Variants in CAP2 observed in about 807,000 individuals in gnomAD.
The protein encoded by CAP2 is adenylyl cyclase-associated protein 2.
A neutral mutation model predicts 57.7 loss-of-function variants in CAP2; 24 were observed. That is an observed-to-expected ratio of 0.42 (90% CI 0.30 to 0.58). The LOEUF is 0.58. CAP2 is among the 20% of genes least tolerant of loss of function. The probability of loss-of-function intolerance (pLI) is 0.22; values close to 1 mark genes in which losing one functional copy is unlikely to be tolerated. For missense variants in CAP2, 501 were observed against 590.3 expected, an observed-to-expected ratio of 0.85 and a Z score of 1.57; for synonymous variants, 194 against 207.2, an observed-to-expected ratio of 0.94 and a Z score of 0.55.
intron 3 of CAP2, among the ~76,000 whole-genome samples, chr6:17,427,950 G>A (rs936868489): frequency 1.3e-5 from 2 of 152,224 alleles, no homozygotes; most frequent in African/African-American, 4.8e-5. Context: ...GGTCAAATTT[G>A]TGGAGACAAA....
At chr6:17,487,272 G>A (rs1761441903) in intron 4 of CAP2, among the ~76,000 whole-genome samples, 1 of 152,006 alleles carries the variant, frequency 6.6e-6, no homozygotes, top group South Asian at 2.1e-4. Flanking sequence ...ACTCCCAATT[G>A]GTATCTGCTC....
At chr6:17,472,971 C>T (rs959698743) in intron 4 of CAP2, among the ~76,000 whole-genome samples, 2 of 151,840 alleles carry the variant, frequency 1.3e-5, no homozygotes, top group East Asian at 1.9e-4. Flanking sequence ...ATTTAGAAAC[C>T]CAGGACTGTG....
At chr6:17,394,018 G>C (rs1758607707) in intron 1 of CAP2, among the ~76,000 whole-genome samples, 2 of 149,554 alleles carry the variant, frequency 1.3e-5, no homozygotes, top group South Asian at 4.2e-4. Context: ...CCCCAGCTCC[G>C]GCGTCCTGGC....
chr6:17,470,769 A>G (rs142808831), intron 4 of CAP2, among the ~76,000 whole-genome samples: 155 of 152,354 alleles, frequency 1.0e-3, no homozygotes, highest in African/African-American at 3.5e-3. Flanking sequence ...CCAGTCCACC[A>G]GAGTGAGTCA....
intron 3 of CAP2, among the ~76,000 whole-genome samples, chr6:17,458,523 T>C (rs947457155): frequency 1.3e-5 from 2 of 152,254 alleles, no homozygotes; most frequent in East Asian, 1.9e-4. Flanking sequence ...ATTTCATTTA[T>C]GTTTTGGAAC....
chr6:17,535,623 G>T (rs1257266126), intron 7 of CAP2, among the ~76,000 whole-genome samples: 1 of 151,126 alleles, frequency 6.6e-6, no homozygotes, highest in Non-Finnish European at 1.5e-5. Context: ...TTTCCCTGAA[G>T]AAGGCTTTAG....
rs1210492630 is a variant in CAP2 at position 17,543,094 on chromosome 6, A to G, written c.1160A>G (p.Asn387Ser). Residue 387 changes from asparagine to serine, a missense_variant, in exon 11 of 13, where the codon AAT becomes AGT. Physicochemically the swap from Asn to Ser is conservative, Grantham distance 46. Transcript: ENST00000229922. ...AAAAAACTCGGCCTGGTGTTTGACA[A>G]TGTGGTGGGCATTGTGGAAGTGATC... ...NCKKLGLVFDNVVGIVEVINS... is the reference protein window; with the variant it reads ...NCKKLGLVFDSVVGIVEVINS... The G allele has an allele frequency of 1.2e-6, 2 of 1,614,184 alleles. No homozygotes were observed. The highest frequency in any genetic ancestry group is 1.7e-6 in the Non-Finnish European group (2 of 1,180,022).
intron 3 of CAP2, among the ~76,000 whole-genome samples, chr6:17,461,854 G>A (rs986267440): frequency 6.6e-6 from 1 of 151,160 alleles, no homozygotes; most frequent in Non-Finnish European, 1.5e-5. Flanking sequence ...TTAGCCAGGC[G>A]TGGTGGCGGG....
At chr6:17,483,534 A>G (rs919504037) in intron 4 of CAP2, among the ~76,000 whole-genome samples, 5 of 152,212 alleles carry the variant, frequency 3.3e-5, no homozygotes, top group African/African-American at 1.2e-4. Flanking sequence ...ACGTCAAAGG[A>G]CACAGTTGGA....
intron 3 of CAP2, among the ~76,000 whole-genome samples, chr6:17,438,989 T>C (rs1480577555): frequency 1.3e-5 from 2 of 150,458 alleles, no homozygotes; most frequent in Non-Finnish European, 2.9e-5. Context: ...TGCACACCTG[T>C]AATCCCAGCT....
intron 4 of CAP2, among the ~76,000 whole-genome samples, chr6:17,505,187 A>C (rs1761944435): frequency 6.6e-6 from 1 of 152,202 alleles, no homozygotes; most frequent in South Asian, 2.1e-4. Context: ...GATCTGATTA[A>C]GTAATTTGCT....
In CAP2 at chr6:17,498,124, T is replaced by C. The variant is rs539152749; in HGVS notation, c.301-9045T>C. Among the ~76,000 whole-genome samples the C allele has an allele frequency of 8.5e-5, 13 of 152,368 alleles. No homozygotes were observed. In the South Asian group the frequency reaches 2.7e-3, roughly 32 times the overall value. Reference sequence around the variant, plus strand: ...ACAGAACTGTGTTCTTGTTCTGATGTATAACTTGTAGGTTTTAGAGTGAGC... The same window carrying C: ...ACAGAACTGTGTTCTTGTTCTGATGCATAACTTGTAGGTTTTAGAGTGAGC... On this transcript the variant is annotated intron_variant, in intron 4 of 12. Transcript: ENST00000229922.
intron 7 of CAP2, 102 bp from the exon 8 acceptor site, chr6:17,539,167 A>T: frequency 9.2e-7 from 1 of 1,088,630 alleles, no homozygotes; most frequent in Non-Finnish European, 1.3e-6. Context: ...TCAGGCTTCA[A>T]CCCCACTCTC....
At chr6:17,482,449 C>G (rs147359536) in intron 4 of CAP2, among the ~76,000 whole-genome samples, 3,294 of 135,270 alleles carry the variant, frequency 0.024, 115 homozygotes, top group African/African-American at 0.087. Context: ...GCAGAAGTTG[C>G]AGTAAGCCGA....
chr6:17,544,289 T>C (rs1762988661), intron 11 of CAP2, among the ~76,000 whole-genome samples: 1 of 152,162 alleles, frequency 6.6e-6, no homozygotes, highest in East Asian at 1.9e-4. Context: ...ACTCTCCTAG[T>C]ATGATTAGCC....
At chr6:17,417,547 T>C (rs1316118514) in intron 1 of CAP2, among the ~76,000 whole-genome samples, 1 of 152,142 alleles carries the variant, frequency 6.6e-6, no homozygotes, top group Non-Finnish European at 1.5e-5. Flanking sequence ...AGTGCTAGGA[T>C]TACAGGCATG....
intron 1 of CAP2, 74 bp from the exon 2 acceptor site, chr6:17,421,481 T>G: frequency 2.7e-6 from 4 of 1,494,976 alleles, no homozygotes; most frequent in Non-Finnish European, 3.7e-6. Flanking sequence ...TCGCTGTTGT[T>G]GAGACTGATG....
In CAP2 at chr6:17,422,513, C is replaced by A. The variant is rs150444891; in HGVS notation, c.121+837C>A. Among the ~76,000 whole-genome samples, 257 of 151,982 alleles carry A rather than the reference C, an allele frequency of 1.7e-3. 1 individual carries two copies. The highest frequency in any genetic ancestry group is 5.9e-3 in the African/African-American group (245 of 41,440). On this transcript the variant is annotated intron_variant, in intron 2 of 12. Transcript: ENST00000229922. ...TACAGGCGCCCGCCACCACGCCCAG[C>A]TAATTTTTTGTATTTTTAATAGAGA...
intron 4 of CAP2, among the ~76,000 whole-genome samples, chr6:17,466,815 G>A (rs1028914446): frequency 1.3e-5 from 2 of 152,058 alleles, no homozygotes; most frequent in South Asian, 2.1e-4. Context: ...AAAGTAGGCC[G>A]TGTTATGCTG....
Sources: gnomAD v4.1 joint callset for allele counts (sites outside exome capture counted in the v4.1 genomes callset) on GRCh38, gnomAD v4.1.1 for gene constraint, MANE v1.5 for transcripts, NCBI Gene and HGNC (gene_info 2026-07-23, HGNC 2026-07-21) for gene names.